The following PCCA variants were observed in gnomAD, a reference collection of about 807,000 sequenced individuals.
PCCA encodes the protein propionyl-CoA carboxylase subunit alpha, also known as propionyl-CoA carboxylase alpha chain, mitochondrial.
A neutral mutation model predicts 101.3 loss-of-function variants in PCCA; 74 were observed. The observed-to-expected ratio is 0.73, with a 90% confidence interval of 0.61 to 0.89. The LOEUF (loss-of-function observed/expected upper bound fraction) is 0.89, where lower values mean the gene tolerates loss of function less well. PCCA is among the 40% of genes least tolerant of loss of function. The probability of loss-of-function intolerance (pLI) is 0.00; values close to 1 mark genes in which losing one functional copy is unlikely to be tolerated. For synonymous variants in PCCA, 294 were observed against 313.6 expected (o/e 0.94, Z 0.66); for missense variants, 891 against 907.0 (o/e 0.98, Z 0.23).
intron 21 of PCCA, among the ~76,000 whole-genome samples, chr13:100,513,973 T>C (rs2086657946): frequency 6.6e-6 from 1 of 152,224 alleles, no homozygotes; most frequent in Admixed American, 6.5e-5. Flanking sequence ...CCCCCATTGA[T>C]TTAATGAAGG....
intron 21 of PCCA, among the ~76,000 whole-genome samples, chr13:100,477,096 A>G (rs2083471046): frequency 6.6e-6 from 1 of 152,190 alleles, no homozygotes; most frequent in South Asian, 2.1e-4. Flanking sequence ...ACCTGCTTTA[A>G]AGTCAAGTGC....
At chr13:100,426,593 A>G (rs1264282603) in intron 20 of PCCA, among the ~76,000 whole-genome samples, 3 of 152,228 alleles carry the variant, frequency 2.0e-5, no homozygotes, top group African/African-American at 7.2e-5. Context: ...AGTGGACATC[A>G]GAATCCACAA....
At position 100,449,235 on chromosome 13, in the gene PCCA, T is replaced by G. The variant is rs1290515347; in HGVS notation, c.1846-17T>G. ...TGCAGATATGAGTTCATTTTATATC[T>G]CTTGTTTGTTTTTTAGTGTCTTTCT... On this transcript the variant is annotated splice_polypyrimidine_tract_variant and intron_variant, in intron 20 of 23. Transcript: ENST00000376285. 9 of 1,515,052 alleles carry G rather than the reference T, an allele frequency of 5.9e-6. No homozygotes were observed. In the Admixed American group the frequency reaches 1.8e-4, roughly 30 times the overall value. 93.9% of individuals were successfully genotyped at this position (1,515,052 alleles called of 1,614,324 possible).
At chr13:100,289,547 T>C (rs759952677) in intron 12 of PCCA, among the ~76,000 whole-genome samples, 1 of 151,964 alleles carries the variant, frequency 6.6e-6, no homozygotes, top group Non-Finnish European at 1.5e-5. Context: ...TTTTATCTTA[T>C]ATTTAAAAAT....
chr13:100,208,269 A>G (rs942557866), intron 6 of PCCA, among the ~76,000 whole-genome samples: 3 of 152,158 alleles, frequency 2.0e-5, no homozygotes, highest in African/African-American at 7.2e-5. Context: ...AGAGCAGTCC[A>G]AGCAACAGGC....
intron 2 of PCCA, among the ~76,000 whole-genome samples, chr13:100,104,857 C>T (rs185115507): frequency 5.5e-4 from 84 of 152,102 alleles, no homozygotes; most frequent in Non-Finnish European, 6.3e-4. Flanking sequence ...GTGTACGTCA[C>T]CATGCCCGGC....
chr13:100,143,800 G>A (rs547345877), intron 4 of PCCA, among the ~76,000 whole-genome samples: 1 of 152,156 alleles, frequency 6.6e-6, no homozygotes, highest in East Asian at 1.9e-4. Flanking sequence ...TGTCACCCAG[G>A]CTAAAGTGTA....
chr13:100,290,842 C>T (rs2065063593), intron 12 of PCCA, among the ~76,000 whole-genome samples: 3 of 152,274 alleles, frequency 2.0e-5, no homozygotes, highest in South Asian at 2.1e-4. Flanking sequence ...CAGGTTGCAA[C>T]AGTGGTTATC....
intron 12 of PCCA, among the ~76,000 whole-genome samples, chr13:100,282,881 T>C (rs1284687679): frequency 6.6e-6 from 1 of 152,082 alleles, no homozygotes; most frequent in Non-Finnish European, 1.5e-5. Flanking sequence ...CCCCTTCCTA[T>C]GAATGATAAT....
At chr13:100,117,542 A>G (rs2048911397) in intron 4 of PCCA, among the ~76,000 whole-genome samples, 1 of 151,888 alleles carries the variant, frequency 6.6e-6, no homozygotes, top group Non-Finnish European at 1.5e-5. Flanking sequence ...AAAACACTGC[A>G]CGTTCTCACT....
chr13:100,354,300 A>C (rs1022175348), intron 18 of PCCA, among the ~76,000 whole-genome samples: 11 of 128,462 alleles, frequency 8.6e-5, no homozygotes, highest in African/African-American at 2.8e-4. Flanking sequence ...AGAGAGAGAG[A>C]GAGAGAAAGA....
intron 16 of PCCA, among the ~76,000 whole-genome samples, chr13:100,325,162 A>T (rs1301609345): frequency 1.3e-5 from 2 of 152,208 alleles, no homozygotes; most frequent in African/African-American, 4.8e-5. Flanking sequence ...GCAGGTGTGA[A>T]AATCTTGCAC....
At chr13:100,211,772 G>T (rs577513396) in intron 7 of PCCA, among the ~76,000 whole-genome samples, 47 of 151,954 alleles carry the variant, frequency 3.1e-4, no homozygotes, top group African/African-American at 8.9e-4. Flanking sequence ...ACAAGGTCTT[G>T]TTCTATCACC....
At chr13:100,172,130 GA>G (rs1001129976) in intron 6 of PCCA, among the ~76,000 whole-genome samples, 2 of 151,198 alleles carry the variant, frequency 1.3e-5, no homozygotes, top group African/African-American at 4.9e-5. Flanking sequence ...GAGCCCAGGA[GA>G]TGGAGGCTGC....
intron 12 of PCCA, among the ~76,000 whole-genome samples, chr13:100,299,245 G>A (rs1287009001): frequency 6.6e-6 from 1 of 152,072 alleles, no homozygotes; most frequent in African/African-American, 2.4e-5. Flanking sequence ...GAACACAGTG[G>A]GTCCACTTTT....
At chr13:100,509,362 C>T (rs148723688) in intron 21 of PCCA, among the ~76,000 whole-genome samples, 2 of 152,278 alleles carry the variant, frequency 1.3e-5, no homozygotes, top group African/African-American at 2.4e-5. Flanking sequence ...AGTGAGAAAA[C>T]GTGAGCATGT....
chr13:100,307,085 G>T, intron 14 of PCCA, 107 bp from the exon 15 acceptor site: 2 of 755,392 alleles, frequency 2.6e-6, no homozygotes, highest in South Asian at 3.1e-5. Context: ...AATGTTATTT[G>T]AGATTGAAAT....
intron 8 of PCCA, among the ~76,000 whole-genome samples, chr13:100,249,607 A>G (rs1451618278): frequency 6.6e-6 from 1 of 152,168 alleles, no homozygotes; most frequent in Non-Finnish European, 1.5e-5. Flanking sequence ...GTGGATATCT[A>G]CAAAATAAAT....
At chr13:100,272,632 G>C (rs1456386891) in intron 11 of PCCA, among the ~76,000 whole-genome samples, 1 of 152,170 alleles carries the variant, frequency 6.6e-6, no homozygotes, top group Non-Finnish European at 1.5e-5. Context: ...GCTTGTTATA[G>C]TATGAGCATT....
Sources: gnomAD v4.1 joint callset for allele counts (sites outside exome capture counted in the v4.1 genomes callset) on GRCh38, gnomAD v4.1.1 for gene constraint, MANE v1.5 for transcripts, NCBI Gene and HGNC (gene_info 2026-07-23, HGNC 2026-07-21) for gene names.